SLC44A5: variants seen among roughly 807,000 people sequenced by gnomAD.
The protein encoded by SLC44A5 is choline transporter-like protein 5.
Under a neutral mutation model 101.8 loss-of-function variants are expected in SLC44A5, and 57 were observed. That is an observed-to-expected ratio of 0.56 (90% confidence interval 0.45 to 0.70). The LOEUF (loss-of-function observed/expected upper bound fraction) is 0.70, where lower values mean the gene tolerates loss of function less well. Ranked by LOEUF, SLC44A5 falls within the 30% of genes least tolerant of loss-of-function variation. The pLI is 0.00. For synonymous variants in SLC44A5, 281 were observed against 290.9 expected, an observed-to-expected ratio of 0.97 and a Z score of 0.35; for missense variants, 737 against 853.1, an observed-to-expected ratio of 0.86 and a Z score of 1.70.
intron 3 of SLC44A5, among the ~76,000 whole-genome samples, chr1:75,385,776 T>C (rs558229134): frequency 8.5e-5 from 13 of 152,158 alleles, no homozygotes; most frequent in African/African-American, 2.4e-4. Context: ...TTTAGACCAA[T>C]ATCCTTGATG....
chr1:75,649,524 C>G, the SLC44A5 span, among the ~76,000 whole-genome samples: 1 of 152,056 alleles, frequency 6.6e-6, no homozygotes, highest in Non-Finnish European at 1.5e-5. Flanking sequence ...AATTTAAGAA[C>G]CAGGAGACCT....
At chr1:75,622,170 AAG>A in the SLC44A5 span, among the ~76,000 whole-genome samples, 1 of 152,130 alleles carries the variant, frequency 6.6e-6, no homozygotes, top group African/African-American at 2.4e-5. Flanking sequence ...ATTGGGCAGA[AAG>A]ATATGAAATT....
intron 2 of SLC44A5, among the ~76,000 whole-genome samples, chr1:75,444,483 G>GAAGAAAGAAAGAAAGACAGAAAGAAAGA (rs1665419530): frequency 7.1e-6 from 1 of 140,656 alleles, no homozygotes; most frequent in African/African-American, 2.7e-5. Context: ...GAGAAAGAAA[G>GAAGAAAGAAAGAAAGACAGAAAGAAAGA]AAGAAAGAAA....
intron 2 of SLC44A5, among the ~76,000 whole-genome samples, chr1:75,465,797 C>T (rs1306001284): frequency 6.6e-6 from 1 of 152,108 alleles, no homozygotes; most frequent in African/African-American, 2.4e-5. Context: ...GGACAAACTC[C>T]TAGACACATG....
chr1:75,456,121 A>G (rs1239392648), intron 2 of SLC44A5, among the ~76,000 whole-genome samples: 1 of 152,204 alleles, frequency 6.6e-6, no homozygotes, highest in Non-Finnish European at 1.5e-5. Context: ...ATACCCATCA[A>G]CAATGGATTG....
At chr1:75,460,953 A>G (rs1370088762) in intron 2 of SLC44A5, among the ~76,000 whole-genome samples, 1 of 152,092 alleles carries the variant, frequency 6.6e-6, no homozygotes, top group African/African-American at 2.4e-5. Flanking sequence ...AATCAGTCTG[A>G]CATCCTTGCA....
intron 1 of SLC44A5, among the ~76,000 whole-genome samples, chr1:75,587,163 A>G (rs531716221): frequency 6.6e-6 from 1 of 152,276 alleles, no homozygotes; most frequent in South Asian, 2.1e-4. Context: ...CGACAACAAA[A>G]TGTTCGGCCT....
At chr1:75,446,476 C>CA (rs1008183423) in intron 2 of SLC44A5, among the ~76,000 whole-genome samples, 30 of 151,570 alleles carry the variant, frequency 2.0e-4, no homozygotes, top group East Asian at 1.2e-3. Context: ...CATTTTTATC[C>CA]AAAAAAAACC....
At chr1:75,441,963 T>G (rs1665231726) in intron 2 of SLC44A5, among the ~76,000 whole-genome samples, 1 of 152,160 alleles carries the variant, frequency 6.6e-6, no homozygotes, top group Non-Finnish European at 1.5e-5. Flanking sequence ...CATATATTTC[T>G]ATACCTAAAA....
chr1:75,626,561 A>AAT, the SLC44A5 span, among the ~76,000 whole-genome samples: 30 of 152,256 alleles, frequency 2.0e-4, no homozygotes, highest in African/African-American at 6.3e-4. Flanking sequence ...AAATAAGCCA[A>AAT]ATATATAATT....
At chr1:75,628,761 G>A in the SLC44A5 span, among the ~76,000 whole-genome samples, 1 of 152,112 alleles carries the variant, frequency 6.6e-6, no homozygotes, top group African/African-American at 2.4e-5. Flanking sequence ...GAACAGTATG[G>A]CAAACCTCTT....
chr1:75,339,645 A>G lies in SLC44A5; in HGVS notation c.53-15T>C, dbSNP rs376130240. On this transcript the variant is annotated splice_polypyrimidine_tract_variant and intron_variant, in intron 3 of 23. Transcript: ENST00000370859. Reference sequence around the variant, plus strand: ...CCTTGGATCACCTGCATTTAAAACAAAGACATTTTAAGCATATAAGCCAGC... The same window carrying G: ...CCTTGGATCACCTGCATTTAAAACAGAGACATTTTAAGCATATAAGCCAGC... The G allele has an allele frequency of 4.4e-6, 7 of 1,602,632 alleles. No homozygotes were observed. Among genetic ancestry groups the G allele is most frequent in the South Asian group, 1.1e-5 (1 of 88,702 alleles).
chr1:75,437,603 G>A (rs1664962580), intron 2 of SLC44A5, among the ~76,000 whole-genome samples: 1 of 152,092 alleles, frequency 6.6e-6, no homozygotes, highest in Non-Finnish European at 1.5e-5. Context: ...CATGAAGAGT[G>A]GCTTCAGTTA....
intron 13 of SLC44A5, among the ~76,000 whole-genome samples, chr1:75,226,979 T>C (rs1647211371): frequency 6.6e-6 from 1 of 152,252 alleles, no homozygotes; most frequent in Non-Finnish European, 1.5e-5. Context: ...CAGATACTTA[T>C]TACTCATAAT....
chr1:75,295,327 C>T (rs564977954), intron 5 of SLC44A5, among the ~76,000 whole-genome samples: 72 of 152,290 alleles, frequency 4.7e-4, no homozygotes, highest in Non-Finnish European at 9.3e-4. Context: ...ACTTGAGTGA[C>T]TTCTCTTAGT....
chr1:75,661,733 G>T, the SLC44A5 span, among the ~76,000 whole-genome samples: 1 of 151,916 alleles, frequency 6.6e-6, no homozygotes, highest in Non-Finnish European at 1.5e-5. Context: ...TGTTCAACAG[G>T]TATATTTTAA....
At chr1:75,607,910 C>T (rs752954446) in intron 1 of SLC44A5, among the ~76,000 whole-genome samples, 1 of 151,982 alleles carries the variant, frequency 6.6e-6, no homozygotes, top group Non-Finnish European at 1.5e-5. Flanking sequence ...CAAACTAATA[C>T]AATATCCATC....
chr1:75,362,233 TA>T (rs992967998), intron 3 of SLC44A5, among the ~76,000 whole-genome samples: 5 of 151,848 alleles, frequency 3.3e-5, no homozygotes, highest in African/African-American at 1.2e-4. Flanking sequence ...CTTGTTTTTT[TA>T]AAAAAATGTT....
chr1:75,294,671 C>T (rs1248811447), intron 5 of SLC44A5, among the ~76,000 whole-genome samples: 1 of 151,994 alleles, frequency 6.6e-6, no homozygotes, highest in East Asian at 1.9e-4. Context: ...TACACATATA[C>T]ACACAAAATG....
Sources: allele counts gnomAD v4.1 joint callset (sites outside exome capture counted in the v4.1 genomes callset), GRCh38; gene constraint gnomAD v4.1.1; transcripts MANE v1.5; gene names NCBI Gene and HGNC (gene_info 2026-07-23, HGNC 2026-07-21).